PRELID2: variants seen among roughly 807,000 people sequenced by gnomAD.
PRELID2 encodes the protein PRELI domain-containing protein 2.
In PRELID2, 25 loss-of-function variants were observed where a neutral mutation model predicts 28.4. That is an observed-to-expected ratio of 0.88 (90% CI 0.64 to 1.23). The LOEUF (loss-of-function observed/expected upper bound fraction) is 1.23. PRELID2 is among the 50% of genes most tolerant of loss of function. The pLI, the probability that PRELID2 is intolerant of heterozygous loss-of-function variation, is 0.00. For missense variants in PRELID2, 201 were observed against 214.4 expected (o/e 0.94, Z 0.39); for synonymous variants, 76 against 71.6 (o/e 1.06, Z -0.31).
At chr5:145,481,283 C>A (rs185741599) in intron 1 of PRELID2, among the ~76,000 whole-genome samples, 1 of 151,762 alleles carries the variant, frequency 6.6e-6, no homozygotes, top group African/African-American at 2.4e-5. Context: ...TTTTTCCTAC[C>A]TTTTTTCTTT....
chr5:145,762,484 C>A (rs185516394), intron 6 of PRELID2, among the ~76,000 whole-genome samples: 1 of 152,098 alleles, frequency 6.6e-6, no homozygotes, highest in Non-Finnish European at 1.5e-5. Flanking sequence ...CTATGGTGAG[C>A]CGTGATTGCG....
the PRELID2 span, among the ~76,000 whole-genome samples, chr5:145,303,498 T>A: frequency 3.9e-5 from 6 of 152,180 alleles, no homozygotes; most frequent in Admixed American, 2.0e-4. Flanking sequence ...TGGGATCACA[T>A]CTGTAGGCTC....
At chr5:145,741,214 TAAAA>T (rs2149738260) in intron 1 of PRELID2, among the ~76,000 whole-genome samples, 1 of 28,854 alleles carries the variant, frequency 3.5e-5, no homozygotes, top group Non-Finnish European at 7.0e-5. Flanking sequence ...TAAATATATA[TAAAA>T]TATATATATA....
intron 1 of PRELID2, among the ~76,000 whole-genome samples, chr5:145,740,318 AT>A (rs1756632027): frequency 8.2e-5 from 8 of 97,828 alleles, no homozygotes; most frequent in East Asian, 3.1e-4. Flanking sequence ...ATATATATAT[AT>A]AAATCCTAAA....
At chr5:145,343,038 A>G in the PRELID2 span, among the ~76,000 whole-genome samples, 1 of 152,134 alleles carries the variant, frequency 6.6e-6, no homozygotes, top group East Asian at 1.9e-4. Context: ...TAATAGATCT[A>G]AAGCACTGAA....
chr5:145,662,541 T>A (rs1754514121), intron 1 of PRELID2, among the ~76,000 whole-genome samples: 1 of 152,156 alleles, frequency 6.6e-6, no homozygotes, highest in African/African-American at 2.4e-5. Flanking sequence ...TCAACCTCAA[T>A]GTGGCAGTAT....
chr5:145,829,757 T>C (rs538367423), intron 1 of PRELID2, among the ~76,000 whole-genome samples: 1 of 152,236 alleles, frequency 6.6e-6, no homozygotes, highest in African/African-American at 2.4e-5. Context: ...AAGACAAAAG[T>C]GAAGAAAGAC....
the PRELID2 span, among the ~76,000 whole-genome samples, chr5:145,360,598 G>T: frequency 6.6e-6 from 1 of 152,108 alleles, no homozygotes; most frequent in South Asian, 2.1e-4. Flanking sequence ...GTGTGAAAAA[G>T]ACTTTTCAAA....
intron 1 of PRELID2, among the ~76,000 whole-genome samples, chr5:145,501,276 T>C (rs1752357877): frequency 6.6e-6 from 1 of 152,172 alleles, no homozygotes; most frequent in African/African-American, 2.4e-5. Flanking sequence ...CAACAGTATG[T>C]CCTAAAGACA....
intron 1 of PRELID2, among the ~76,000 whole-genome samples, chr5:145,690,800 C>A (rs1024087617): frequency 6.6e-6 from 1 of 152,170 alleles, no homozygotes; most frequent in Admixed American, 6.5e-5. Context: ...TCCCTATGTG[C>A]AAGATAACCT....
chr5:145,445,162 G>A, the PRELID2 span, among the ~76,000 whole-genome samples: 1 of 151,966 alleles, frequency 6.6e-6, no homozygotes, highest in African/African-American at 2.4e-5. Flanking sequence ...AAAAGAGCAT[G>A]ACACTGGTAT....
chr5:145,430,409 C>G, the PRELID2 span, among the ~76,000 whole-genome samples: 3 of 152,188 alleles, frequency 2.0e-5, no homozygotes, highest in Non-Finnish European at 4.4e-5. Context: ...CTGCTTCACA[C>G]ATTCTCTCAG....
the PRELID2 span, among the ~76,000 whole-genome samples, chr5:145,405,371 A>G: frequency 2.1e-4 from 32 of 152,306 alleles, no homozygotes; most frequent in South Asian, 6.2e-3. Context: ...CTGTTCTTAC[A>G]TTACTATAAA....
chr5:145,335,520 C>T, the PRELID2 span, among the ~76,000 whole-genome samples: 1 of 151,994 alleles, frequency 6.6e-6, no homozygotes, highest in Non-Finnish European at 1.5e-5. Flanking sequence ...TTACTGAAAA[C>T]TTCTTGTGTT....
intron 1 of PRELID2, among the ~76,000 whole-genome samples, chr5:145,708,997 C>T (rs1755619626): frequency 6.6e-6 from 1 of 152,224 alleles, no homozygotes; most frequent in Non-Finnish European, 1.5e-5. Flanking sequence ...ATGAGCTTTG[C>T]TGTGGCAAGC....
At chr5:145,324,720 T>G in the PRELID2 span, among the ~76,000 whole-genome samples, 1 of 152,236 alleles carries the variant, frequency 6.6e-6, no homozygotes, top group African/African-American at 2.4e-5. Context: ...AAATGCTTTA[T>G]ATTATTAATT....
chr5:145,415,908 G>A, the PRELID2 span, among the ~76,000 whole-genome samples: 515 of 152,144 alleles, frequency 3.4e-3, 8 homozygotes, highest in African/African-American at 0.012. Flanking sequence ...CAGTGTAAAA[G>A]TGTTCCTATT....
the PRELID2 span, among the ~76,000 whole-genome samples, chr5:145,393,428 G>A: frequency 6.6e-6 from 1 of 152,186 alleles, no homozygotes; most frequent in South Asian, 2.1e-4. Context: ...ATTTAGCAGA[G>A]TTTAATTGAG....
downstream of PRELID2, among the ~76,000 whole-genome samples, chr5:145,470,523 C>A (rs978318646): frequency 6.6e-6 from 1 of 152,042 alleles, no homozygotes; most frequent in African/African-American, 2.4e-5. Context: ...TTACTATTTT[C>A]ATTTTCCACA....
Sources: allele counts gnomAD v4.1 joint callset (sites outside exome capture counted in the v4.1 genomes callset), GRCh38; gene constraint gnomAD v4.1.1; transcripts MANE v1.5; gene names NCBI Gene and HGNC (gene_info 2026-07-23, HGNC 2026-07-21).